FBXL13: variants seen among roughly 807,000 people sequenced by gnomAD.
FBXL13 encodes F-box and leucine-rich repeat protein 13.
Under a neutral mutation model 83.6 loss-of-function variants are expected in FBXL13, and 67 were observed. The ratio of observed to expected loss-of-function variants is 0.80; its 90% CI spans 0.66 to 0.98. The LOEUF (loss-of-function observed/expected upper bound fraction) is 0.98, where lower values mean the gene tolerates loss of function less well. FBXL13 is among the 50% of genes least tolerant of loss of function. FBXL13 has a pLI of 0.00. For missense variants in FBXL13, 822 were observed against 866.5 expected (o/e 0.95, Z 0.64); for synonymous variants, 272 against 299.5 (o/e 0.91, Z 0.95).
At chr7:102,945,783 T>C (rs1822369714) in intron 8 of FBXL13, among the ~76,000 whole-genome samples, 1 of 152,236 alleles carries the variant, frequency 6.6e-6, no homozygotes, top group Non-Finnish European at 1.5e-5. Flanking sequence ...TTTCATTTCT[T>C]GTATCAAGGT....
intron 6 of FBXL13, among the ~76,000 whole-genome samples, chr7:103,018,894 A>G (rs890255311): frequency 3.3e-5 from 5 of 151,146 alleles, no homozygotes; most frequent in Middle Eastern, 3.4e-3. Context: ...TTAACACCCC[A>G]CTGTCAACAT....
At chr7:103,057,845 G>A (rs896995100) in intron 1 of FBXL13, among the ~76,000 whole-genome samples, 2 of 152,118 alleles carry the variant, frequency 1.3e-5, no homozygotes, top group East Asian at 1.9e-4. Context: ...ATTCTCCATC[G>A]GCATTTCTCT....
At chr7:102,954,097 C>A (rs1424508948) in intron 8 of FBXL13, among the ~76,000 whole-genome samples, 1 of 152,078 alleles carries the variant, frequency 6.6e-6, no homozygotes, top group Non-Finnish European at 1.5e-5. Flanking sequence ...GGGTGCAGCC[C>A]ACACAGGAAA....
At chr7:102,995,683 A>G (rs1789694819) in intron 6 of FBXL13, among the ~76,000 whole-genome samples, 1 of 151,554 alleles carries the variant, frequency 6.6e-6, no homozygotes, top group Admixed American at 6.6e-5. Flanking sequence ...GCTACTTGGG[A>G]GTCTGAGGCA....
intron 8 of FBXL13, among the ~76,000 whole-genome samples, chr7:102,960,678 A>G (rs530866758): frequency 3.3e-5 from 5 of 152,324 alleles, no homozygotes; most frequent in African/African-American, 1.2e-4. Context: ...GGCTGGTTCA[A>G]TATATGCAAA....
chr7:102,900,076 C>T (rs1456823727), intron 11 of FBXL13, among the ~76,000 whole-genome samples: 1 of 152,006 alleles, frequency 6.6e-6, no homozygotes, highest in African/African-American at 2.4e-5. Context: ...ATAAAATAAT[C>T]CCAAAATAAT....
intron 1 of FBXL13, among the ~76,000 whole-genome samples, chr7:103,062,734 T>C (rs978838924): frequency 1.6e-4 from 25 of 152,192 alleles, no homozygotes; most frequent in African/African-American, 6.0e-4. Flanking sequence ...ATATTACAGA[T>C]CTTCATACAT....
At chr7:103,033,356 T>C (rs1369160838) in intron 2 of FBXL13, among the ~76,000 whole-genome samples, 2 of 152,186 alleles carry the variant, frequency 1.3e-5, no homozygotes, top group Admixed American at 6.5e-5. Context: ...ATTTGTGCAA[T>C]ACAAAGTGAA....
At chr7:102,955,060 A>G (rs1824031655) in intron 8 of FBXL13, among the ~76,000 whole-genome samples, 1 of 152,080 alleles carries the variant, frequency 6.6e-6, no homozygotes. Context: ...CAACTACAGA[A>G]CTCTCCATCC....
At chr7:102,875,233 A>G (rs139110188) in intron 16 of FBXL13, among the ~76,000 whole-genome samples, 10 of 152,216 alleles carry the variant, frequency 6.6e-5, no homozygotes, top group South Asian at 2.1e-4. Flanking sequence ...GGGGCATAAC[A>G]TTTTTCAAAA....
chr7:103,066,580 A>G (rs1442636722), intron 1 of FBXL13, among the ~76,000 whole-genome samples: 1 of 150,556 alleles, frequency 6.6e-6, no homozygotes, highest in Non-Finnish European at 1.5e-5. Flanking sequence ...TTTTTAGTAG[A>G]GACGAGGTTT....
intron 11 of FBXL13, among the ~76,000 whole-genome samples, chr7:102,885,446 CTT>C (rs1039070971): frequency 7.0e-6 from 1 of 143,824 alleles, no homozygotes; most frequent in Non-Finnish European, 1.5e-5. Context: ...AGTTATTTGC[CTT>C]TTTTTTTTTA....
intron 17 of FBXL13, among the ~76,000 whole-genome samples, chr7:102,840,756 A>G (rs928148921): frequency 6.6e-6 from 1 of 152,238 alleles, no homozygotes; most frequent in South Asian, 2.1e-4. Flanking sequence ...GGAATCTGAA[A>G]TTGTATCTAT....
intron 2 of FBXL13, among the ~76,000 whole-genome samples, chr7:103,038,603 C>A (rs946121197): frequency 6.6e-6 from 1 of 152,146 alleles, no homozygotes; most frequent in Non-Finnish European, 1.5e-5. Context: ...CCCTCTGGGA[C>A]GAAGCTTCCA....
At chr7:102,980,913 A>G (rs924022974) in intron 6 of FBXL13, among the ~76,000 whole-genome samples, 6 of 37,852 alleles carry the variant, frequency 1.6e-4, no homozygotes, top group South Asian at 2.5e-3. Flanking sequence ...GAGTTCATCA[A>G]AATGAAAACC....
intron 17 of FBXL13, among the ~76,000 whole-genome samples, chr7:102,848,162 A>C (rs1158607744): frequency 6.6e-6 from 1 of 152,208 alleles, no homozygotes; most frequent in Non-Finnish European, 1.5e-5. Flanking sequence ...CTGGCTGCTA[A>C]TGACATTTCT....
At chr7:102,889,097 A>G (rs1049869211) in intron 11 of FBXL13, among the ~76,000 whole-genome samples, 2 of 152,214 alleles carry the variant, frequency 1.3e-5, no homozygotes, top group African/African-American at 4.8e-5. Context: ...TTTTGCTCCC[A>G]TGGGAAAGAA....
At chr7:102,957,735 A>C (rs1049548294) in intron 8 of FBXL13, among the ~76,000 whole-genome samples, 8 of 152,200 alleles carry the variant, frequency 5.3e-5, no homozygotes, top group African/African-American at 1.9e-4. Context: ...GGATATGAAC[A>C]GACACTTCTT....
At chr7:102,943,658 C>T (rs560147269) in intron 8 of FBXL13, among the ~76,000 whole-genome samples, 1 of 152,280 alleles carries the variant, frequency 6.6e-6, no homozygotes, top group South Asian at 2.1e-4. Context: ...CCACCCATTA[C>T]AGGAATCTCA....
Sources: gnomAD v4.1 joint callset for allele counts (sites outside exome capture counted in the v4.1 genomes callset) on GRCh38, gnomAD v4.1.1 for gene constraint, MANE v1.5 for transcripts, NCBI Gene and HGNC (gene_info 2026-07-23, HGNC 2026-07-21) for gene names.